Variants in SELENOF observed in about 807,000 individuals in gnomAD.
SELENOF encodes 15 kDa selenoprotein.
Under a neutral mutation model 20.5 loss-of-function variants are expected in SELENOF, and 16 were observed. The observed-to-expected ratio is 0.78, with a 90% CI of 0.53 to 1.19. The LOEUF (loss-of-function observed/expected upper bound fraction) is 1.19, where lower values mean the gene tolerates loss of function less well. SELENOF is among the 50% of genes most tolerant of loss of function. The probability of loss-of-function intolerance (pLI) is 0.00; values close to 1 mark genes in which losing one functional copy is unlikely to be tolerated. For synonymous variants in SELENOF, 78 were observed against 74.5 expected, an observed-to-expected ratio of 1.05 and a Z score of -0.24; for missense variants, 215 against 194.2, an observed-to-expected ratio of 1.11 and a Z score of -0.64.
At chr1:86,873,117 C>T (rs1658827259) in intron 3 of SELENOF, among the ~76,000 whole-genome samples, 2 of 151,370 alleles carry the variant, frequency 1.3e-5, no homozygotes, top group African/African-American at 2.4e-5. Context: ...ATTATCCAGG[C>T]ACGGTGGTGC....
At chr1:86,870,714 G>A (rs1305405463) in intron 3 of SELENOF, among the ~76,000 whole-genome samples, 9 of 152,130 alleles carry the variant, frequency 5.9e-5, no homozygotes, top group Admixed American at 3.3e-4. Flanking sequence ...GCCTTCCTGG[G>A]TTCACGCCAT....
At chr1:86,890,095 C>G (rs1048326707) in intron 2 of SELENOF, among the ~76,000 whole-genome samples, 5 of 152,164 alleles carry the variant, frequency 3.3e-5, no homozygotes, top group African/African-American at 1.2e-4. Flanking sequence ...ATATAAGGCC[C>G]TCTATTATTT....
At chr1:86,874,944 A>G (rs1452471131) in intron 3 of SELENOF, among the ~76,000 whole-genome samples, 1 of 152,252 alleles carries the variant, frequency 6.6e-6, no homozygotes, top group Non-Finnish European at 1.5e-5. Flanking sequence ...TTTCTAAAAC[A>G]GAAAATTGGC....
At chr1:86,900,054 A>G (rs1659649112) in intron 2 of SELENOF, among the ~76,000 whole-genome samples, 2 of 147,560 alleles carry the variant, frequency 1.4e-5, no homozygotes, top group Admixed American at 6.7e-5. Context: ...GGCGCTCCTC[A>G]CTTCCTAGAT....
At chr1:86,872,326 T>C (rs953143818) in intron 3 of SELENOF, among the ~76,000 whole-genome samples, 2 of 152,134 alleles carry the variant, frequency 1.3e-5, no homozygotes, top group African/African-American at 2.4e-5. Context: ...CCAAATACAT[T>C]TCTAATAGGC....
chr1:86,890,530 C>G (rs1433367395), intron 2 of SELENOF, among the ~76,000 whole-genome samples: 1 of 152,126 alleles, frequency 6.6e-6, no homozygotes, highest in African/African-American at 2.4e-5. Context: ...CGCTCTGTTA[C>G]CCAAGCTGGA....
At chr1:86,882,545 C>T (rs762120049) in intron 2 of SELENOF, among the ~76,000 whole-genome samples, 44 of 148,776 alleles carry the variant, frequency 3.0e-4, no homozygotes, top group African/African-American at 1.0e-3. Flanking sequence ...AACCCTTGTA[C>T]ACTGCTGTTG....
chr1:86,879,538 A>G (rs563792094), intron 3 of SELENOF, among the ~76,000 whole-genome samples: 1 of 152,356 alleles, frequency 6.6e-6, no homozygotes, highest in East Asian at 1.9e-4. Flanking sequence ...GTGCTAATAC[A>G]GGCAATGTTA....
At chr1:86,887,550 A>G (rs906470597) in intron 2 of SELENOF, among the ~76,000 whole-genome samples, 1 of 152,196 alleles carries the variant, frequency 6.6e-6, no homozygotes, top group Non-Finnish European at 1.5e-5. Flanking sequence ...ATGTTGAACT[A>G]AAAAGCTCAA....
At chr1:86,889,924 C>T (rs560255112) in intron 2 of SELENOF, among the ~76,000 whole-genome samples, 3 of 152,234 alleles carry the variant, frequency 2.0e-5, no homozygotes, top group Admixed American at 6.5e-5. Context: ...CTCTGGAAAA[C>T]GGCAAACTAT....
intron 4 of SELENOF, among the ~76,000 whole-genome samples, chr1:86,867,697 G>A (rs1247289106): frequency 6.8e-6 from 1 of 146,674 alleles, no homozygotes; most frequent in African/African-American, 2.5e-5. Flanking sequence ...AAGAATGAAT[G>A]CTAATGCGAA....
intron 3 of SELENOF, among the ~76,000 whole-genome samples, chr1:86,870,991 C>T (rs1658749967): frequency 6.6e-6 from 1 of 152,068 alleles, no homozygotes; most frequent in Admixed American, 6.6e-5. Context: ...AGATGAGTCA[C>T]TAATTACTAT....
rs1360535008 is a variant in SELENOF at position 86,862,540 on chromosome 1, A to G, written c.*934T>C. On this transcript the variant is annotated 3_prime_UTR_variant, in exon 5 of 5. Transcript: ENST00000331835. ...TGAAAATGTGTTCATAAATGAAAAA[A>G]CTTTGAAAAATAAAATCAGACAAAT... 6.6e-6 allele frequency: 1 copy of G among 152,148 alleles called. No individual in the cohort carries two copies. The highest frequency in any genetic ancestry group is 6.6e-5 in the Admixed American group (1 of 15,262). The allele number at this position is 152,148 out of a possible 1,614,324, so 9.4% of individuals were successfully genotyped here.
intron 1 of SELENOF, among the ~76,000 whole-genome samples, chr1:86,911,741 A>G (rs1293899251): frequency 6.6e-6 from 1 of 152,076 alleles, no homozygotes; most frequent in Non-Finnish European, 1.5e-5. Context: ...TTTAACGACT[A>G]ATTGAATTCA....
intron 3 of SELENOF, among the ~76,000 whole-genome samples, chr1:86,869,024 A>G (rs997486122): frequency 6.6e-6 from 1 of 152,228 alleles, no homozygotes; most frequent in Non-Finnish European, 1.5e-5. Context: ...TTCACATATA[A>G]TTGAAGAAAT....
At chr1:86,870,943 C>A (rs1444532037) in intron 3 of SELENOF, among the ~76,000 whole-genome samples, 1 of 151,192 alleles carries the variant, frequency 6.6e-6, no homozygotes, top group Non-Finnish European at 1.5e-5. Context: ...TTTTTTTTAA[C>A]AGACTGCAAT....
intron 2 of SELENOF, among the ~76,000 whole-genome samples, chr1:86,896,266 G>A (rs1392057706): frequency 2.0e-5 from 3 of 149,122 alleles, no homozygotes; most frequent in African/African-American, 7.4e-5. Flanking sequence ...GGGGGAGGGG[G>A]AGGGGCGGAT....
In SELENOF at chr1:86,866,234, G is replaced by C. The variant is rs537026020; in HGVS notation, c.366+1819C>G. Among the ~76,000 whole-genome samples the C allele has an allele frequency of 9.0e-3, 1,194 of 133,338 alleles. 19 individuals carry two copies. Among genetic ancestry groups the C allele is most frequent in the African/African-American group, 0.034 (1,148 of 33,778 alleles). The allele number at this position is 133,338 out of a possible 152,430, so 87.5% of individuals were successfully genotyped here. A position where few individuals can be genotyped will look rare whatever the true frequency, so the allele number is the denominator to read the frequency against. On this transcript the variant is annotated intron_variant, in intron 4 of 4. Transcript: ENST00000331835. ...AAAAAAAAAAAGTGTGTGTCTCTGT[G>C]TGTGTGTGTGTGTGTGTGTGTGTGT...
chr1:86,899,694 C>T (rs938813374), intron 2 of SELENOF, among the ~76,000 whole-genome samples: 4 of 151,700 alleles, frequency 2.6e-5, no homozygotes, highest in Non-Finnish European at 4.4e-5. Flanking sequence ...GGGGCTGACC[C>T]CCACCTCCCT....
Sources: allele counts gnomAD v4.1 joint callset (sites outside exome capture counted in the v4.1 genomes callset), GRCh38; gene constraint gnomAD v4.1.1; transcripts MANE v1.5; gene names NCBI Gene and HGNC (gene_info 2026-07-23, HGNC 2026-07-21).